Variants in CALN1 observed in about 807,000 individuals in gnomAD.
CALN1 encodes calcium-binding protein 8.
CALN1 carries 17 observed loss-of-function variants against 30.6 expected under a neutral mutation model. The ratio of observed to expected loss-of-function variants is 0.56; its 90% confidence interval spans 0.38 to 0.83. The LOEUF (loss-of-function observed/expected upper bound fraction) is 0.83. Ranked by LOEUF, CALN1 falls within the 40% of genes least tolerant of loss-of-function variation. CALN1 has a pLI of 0.00. For missense variants in CALN1, 291 were observed against 354.9 expected (o/e 0.82, Z 1.45); for synonymous variants, 156 against 131.4 (o/e 1.19, Z -1.28).
intron 2 of CALN1, among the ~76,000 whole-genome samples, chr7:72,289,758 T>C (rs954662333): frequency 6.6e-6 from 1 of 152,118 alleles, no homozygotes; most frequent in Admixed American, 6.6e-5. Context: ...ACCTTGATTT[T>C]TCACTTATTT....
At position 72,405,442 on chromosome 7, in the gene CALN1, A is replaced by G. The variant is rs543233528; in HGVS notation, c.-73-2000T>C. On this transcript the variant is annotated intron_variant, in intron 1 of 6. Coordinates refer to ENST00000395275, the MANE Select transcript of CALN1 (RefSeq NM_031468.4). ...GGTGGAAGGCAAAGGGCAAACAGGCATGTCTTCACACGCCTGTTTCCTGAG... is the reference window on the plus strand; with the variant it reads ...GGTGGAAGGCAAAGGGCAAACAGGCGTGTCTTCACACGCCTGTTTCCTGAG... Among the ~76,000 whole-genome samples the G allele has an allele frequency of 1.4e-3, 220 of 152,282 alleles. 1 individual carries two copies. The highest frequency in any genetic ancestry group is 4.1e-3 in the Admixed American group (62 of 15,302).
chr7:72,140,768 C>T (rs1809870557), intron 3 of CALN1, among the ~76,000 whole-genome samples: 1 of 152,216 alleles, frequency 6.6e-6, no homozygotes, highest in African/African-American at 2.4e-5. Context: ...AAGACAACCT[C>T]CTATCGGAGC....
intron 5 of CALN1, among the ~76,000 whole-genome samples, chr7:71,926,233 G>A (rs140601257): frequency 5.3e-5 from 8 of 151,468 alleles, no homozygotes; most frequent in African/African-American, 1.2e-4. Flanking sequence ...TGAGCATTTC[G>A]CAAGTCTCCA....
intron 3 of CALN1, among the ~76,000 whole-genome samples, chr7:72,123,534 C>T (rs922637676): frequency 3.9e-5 from 6 of 152,180 alleles, no homozygotes; most frequent in Non-Finnish European, 7.3e-5. Context: ...GCCCTGGAAT[C>T]GCTATCTGTA....
chr7:72,139,703 T>G (rs1014132699), intron 3 of CALN1, among the ~76,000 whole-genome samples: 1 of 152,174 alleles, frequency 6.6e-6, no homozygotes, highest in African/African-American at 2.4e-5. Context: ...ATGTCCATCC[T>G]CTTCTAAGCT....
intron 4 of CALN1, among the ~76,000 whole-genome samples, chr7:72,060,246 C>T (rs1265730552): frequency 6.6e-6 from 1 of 152,152 alleles, no homozygotes; most frequent in Non-Finnish European, 1.5e-5. Flanking sequence ...GAGAACCTTT[C>T]CTTCTGATCA....
chr7:71,932,785 C>T (rs894819007), intron 5 of CALN1, among the ~76,000 whole-genome samples: 2 of 146,712 alleles, frequency 1.4e-5, no homozygotes, highest in African/African-American at 2.5e-5. Context: ...CACTGCACTC[C>T]AGCCTGGGTG....
intron 5 of CALN1, among the ~76,000 whole-genome samples, chr7:71,901,990 A>G (rs1793876150): frequency 6.6e-6 from 1 of 152,224 alleles, no homozygotes; most frequent in Admixed American, 6.5e-5. Context: ...GGCAGCCTGA[A>G]GAATGGGAGA....
intron 3 of CALN1, among the ~76,000 whole-genome samples, chr7:72,180,506 C>T (rs1187236910): frequency 6.9e-6 from 1 of 144,680 alleles, no homozygotes; most frequent in Non-Finnish European, 1.5e-5. Flanking sequence ...TCATTGACAT[C>T]TTCATACAGA....
intron 1 of CALN1, among the ~76,000 whole-genome samples, chr7:72,409,871 T>C (rs2129562879): frequency 6.6e-6 from 1 of 152,290 alleles, no homozygotes; most frequent in South Asian, 2.1e-4. Flanking sequence ...TTGCATCTTG[T>C]GGTCTCTGCT....
At chr7:72,305,739 C>T (rs560068902) in intron 2 of CALN1, among the ~76,000 whole-genome samples, 4 of 152,256 alleles carry the variant, frequency 2.6e-5, no homozygotes, top group South Asian at 2.1e-4. Context: ...GACTACAGAC[C>T]GGGTGGCTTA....
chr7:72,289,490 G>T (rs1481567537), intron 2 of CALN1, among the ~76,000 whole-genome samples: 1 of 152,096 alleles, frequency 6.6e-6, no homozygotes, highest in Non-Finnish European at 1.5e-5. Context: ...TTTAGCACTT[G>T]GTCTCAAAAA....
At chr7:72,346,735 C>G (rs1175082802) in intron 2 of CALN1, among the ~76,000 whole-genome samples, 1 of 152,052 alleles carries the variant, frequency 6.6e-6, no homozygotes, top group Non-Finnish European at 1.5e-5. Context: ...AGGCTGGTCT[C>G]GAACTCCTGA....
At chr7:72,119,454 A>G (rs1486227221) in intron 3 of CALN1, among the ~76,000 whole-genome samples, 2 of 152,046 alleles carry the variant, frequency 1.3e-5, no homozygotes, top group African/African-American at 4.8e-5. Context: ...ATTGGAATTC[A>G]AGATGAGATT....
rs576059596 is a variant in CALN1 at position 71,939,375 on chromosome 7, T to C, written c.501+84282A>G. On this transcript the variant is annotated intron_variant, in intron 5 of 6. Transcript: ENST00000395275. ...GAGTTCCAGACCAGCCTGGGCAACA[T>C]GGTGAAACCCCACCTCTACTAAAAA... Among the ~76,000 whole-genome samples the C allele has an allele frequency of 4.9e-3, 652 of 133,990 alleles. 5 individuals carry two copies. Among genetic ancestry groups the C allele is most frequent in the African/African-American group, 0.018 (625 of 34,760 alleles). The allele number at this position is 133,990 out of a possible 152,430, so 87.9% of individuals were successfully genotyped here.
chr7:72,295,882 C>T (rs1178847579), intron 2 of CALN1, among the ~76,000 whole-genome samples: 2 of 151,694 alleles, frequency 1.3e-5, no homozygotes, highest in African/African-American at 2.4e-5. Flanking sequence ...CTGCCCTGGC[C>T]AGAACTTCCA....
At chr7:72,293,085 T>C (rs1485904056) in intron 2 of CALN1, among the ~76,000 whole-genome samples, 1 of 152,142 alleles carries the variant, frequency 6.6e-6, no homozygotes, top group Admixed American at 6.5e-5. Context: ...TCTTTCTAAC[T>C]GATTTTATTC....
intron 5 of CALN1, among the ~76,000 whole-genome samples, chr7:72,016,381 A>G (rs946536852): frequency 3.9e-5 from 6 of 151,970 alleles, no homozygotes; most frequent in African/African-American, 1.5e-4. Flanking sequence ...TGTCACAACC[A>G]TGAAATGCAA....
intron 3 of CALN1, among the ~76,000 whole-genome samples, chr7:72,205,178 A>G (rs1791734969): frequency 6.6e-6 from 1 of 150,502 alleles, no homozygotes; most frequent in South Asian, 2.1e-4. Context: ...TTCTTTCCTC[A>G]GTTTTTTTGT....
Sources: allele counts gnomAD v4.1 joint callset (sites outside exome capture counted in the v4.1 genomes callset), GRCh38; gene constraint gnomAD v4.1.1; transcripts MANE v1.5; gene names NCBI Gene and HGNC (gene_info 2026-07-23, HGNC 2026-07-21).